Variants in GNA12 observed in about 807,000 individuals in gnomAD.
GNA12 encodes the protein G protein subunit alpha 12.
GNA12 carries 9 observed loss-of-function variants against 26.0 expected under a neutral mutation model. The ratio of observed to expected loss-of-function variants is 0.35; its 90% CI spans 0.21 to 0.60. The LOEUF (loss-of-function observed/expected upper bound fraction) is 0.60. Among genes scored for constraint, GNA12 ranks in the 20% least tolerant of loss-of-function variants. The probability of loss-of-function intolerance (pLI) is 0.78; values close to 1 mark genes in which losing one functional copy is unlikely to be tolerated. For missense variants in GNA12, 405 were observed against 525.8 expected (o/e 0.77, Z 2.25); for synonymous variants, 264 against 219.6 (o/e 1.20, Z -1.79).
At chr7:2,812,683 C>CATCAT (rs1279337754) in intron 1 of GNA12, among the ~76,000 whole-genome samples, 3 of 129,054 alleles carry the variant, frequency 2.3e-5, no homozygotes, top group Non-Finnish European at 5.3e-5. Flanking sequence ...CATCACATCA[C>CATCAT]ATCACATCAC....
intron 2 of GNA12, among the ~76,000 whole-genome samples, chr7:2,787,850 G>A (rs1005536516): frequency 4.6e-5 from 7 of 152,158 alleles, no homozygotes; most frequent in East Asian, 1.9e-4. Context: ...CTGTTACCAC[G>A]GCAGAGAGAA....
chr7:2,772,299 C>T (rs917220943), intron 2 of GNA12, among the ~76,000 whole-genome samples: 9 of 152,246 alleles, frequency 5.9e-5, no homozygotes, highest in Admixed American at 2.0e-4. Flanking sequence ...CAGTGGCTCA[C>T]GCCTGTAATC....
At chr7:2,782,007 C>T (rs1792241520) in intron 2 of GNA12, among the ~76,000 whole-genome samples, 1 of 152,178 alleles carries the variant, frequency 6.6e-6, no homozygotes, top group South Asian at 2.1e-4. Flanking sequence ...AATAAACCCA[C>T]ATATCTATGG....
chr7:2,751,915 T>A (rs566124031), intron 2 of GNA12, among the ~76,000 whole-genome samples: 1 of 152,088 alleles, frequency 6.6e-6, no homozygotes, highest in Non-Finnish European at 1.5e-5. Context: ...GACCTCACTA[T>A]CAAACACGTA....
intron 2 of GNA12, among the ~76,000 whole-genome samples, chr7:2,758,753 C>T (rs1320328260): frequency 6.6e-6 from 1 of 152,186 alleles, no homozygotes; most frequent in East Asian, 1.9e-4. Context: ...GCCACCAGTG[C>T]CCACCTCTGG....
chr7:2,840,714 G>C (rs1778966693), intron 1 of GNA12, among the ~76,000 whole-genome samples: 1 of 152,118 alleles, frequency 6.6e-6, no homozygotes, highest in Admixed American at 6.5e-5. Context: ...GCTGGGTGTG[G>C]TGGTACACAC....
At position 2,730,048 on chromosome 7, in the gene GNA12, G is replaced by C. The variant is rs2115273797; in HGVS notation, c.*1133C>G. On this transcript the variant is annotated 3_prime_UTR_variant, in exon 4 of 4. Coordinates refer to ENST00000275364, the MANE Select transcript of GNA12 (RefSeq NM_007353.3). ...CTTAGGGAGAGCGGCGAACAGGCAC[G>C]GCTGTCCAAAGGCACTGGTGGAGCG... 1 of 152,446 alleles carries C rather than the reference G, an allele frequency of 6.6e-6. No individual in the cohort carries two copies. The highest frequency in any genetic ancestry group is 2.4e-5 in the African/African-American group (1 of 41,558). 9.4% of individuals were successfully genotyped at this position (152,446 alleles called of 1,614,324 possible).
rs1792355415 is a variant in GNA12, at chr7:2,786,121, T to C, written c.525+8807A>G. Among the ~76,000 whole-genome samples, 3 of 152,292 alleles carry C rather than the reference T, an allele frequency of 2.0e-5. No individual in the cohort carries two copies. The South Asian group carries it at 6.2e-4, about 32-fold the overall frequency. ...TGAGGGAGGCCATGGTGGGAGATGG[T>C]TCTGTATTTCGACTGTGGTGTTACA... On this transcript the variant is annotated intron_variant, in intron 2 of 3. Coordinates refer to ENST00000275364, the MANE Select transcript of GNA12 (RefSeq NM_007353.3).
chr7:2,787,892 C>T (rs561916621), intron 2 of GNA12, among the ~76,000 whole-genome samples: 21 of 152,356 alleles, frequency 1.4e-4, no homozygotes, highest in African/African-American at 4.8e-4. Context: ...CCATGGCTCA[C>T]GCCTGGAATC....
intron 2 of GNA12, among the ~76,000 whole-genome samples, chr7:2,768,060 G>A (rs1008713493): frequency 6.6e-6 from 1 of 152,070 alleles, no homozygotes; most frequent in African/African-American, 2.4e-5. Context: ...TCACCATATT[G>A]GTCAGGCTGG....
At chr7:2,812,636 A>ACATCACATCACATCACATCACATC (rs1793107491) in intron 1 of GNA12, among the ~76,000 whole-genome samples, 4 of 134,094 alleles carry the variant, frequency 3.0e-5, no homozygotes, top group Non-Finnish European at 4.9e-5. Flanking sequence ...TCTCAAAAAT[A>ACATCACATCACATCACATCACATC]ACATCACATC....
At chr7:2,744,341 C>T (rs998083853) in intron 2 of GNA12, among the ~76,000 whole-genome samples, 1 of 152,184 alleles carries the variant, frequency 6.6e-6, no homozygotes, top group Admixed American at 6.5e-5. Flanking sequence ...AACGATCAGG[C>T]AGCAGCATTT....
At chr7:2,795,627 C>CAA (rs11412223) in intron 1 of GNA12, among the ~76,000 whole-genome samples, 43,484 of 117,162 alleles carry the variant, frequency 0.37, 8,035 homozygotes, top group Non-Finnish European at 0.46. Flanking sequence ...GACCCTGTTT[C>CAA]AAAAAAAAAA....
At chr7:2,743,662 C>G (rs1039298328) in intron 2 of GNA12, among the ~76,000 whole-genome samples, 1 of 152,196 alleles carries the variant, frequency 6.6e-6, no homozygotes, top group Non-Finnish European at 1.5e-5. Flanking sequence ...CCGGGTTCAT[C>G]TCACTGGGGT....
intron 2 of GNA12, among the ~76,000 whole-genome samples, chr7:2,771,105 AC>A (rs1791937028): frequency 1.3e-5 from 2 of 152,184 alleles, no homozygotes; most frequent in Admixed American, 6.5e-5. Flanking sequence ...AGCCTGACCA[AC>A]ATGGCGAAAC....
intron 1 of GNA12, among the ~76,000 whole-genome samples, chr7:2,821,874 G>T (rs868475087): frequency 4.6e-5 from 7 of 152,246 alleles, no homozygotes; most frequent in Middle Eastern, 3.4e-3. Flanking sequence ...AGTTCCCTAA[G>T]ACCTTTTTCC....
intron 1 of GNA12, among the ~76,000 whole-genome samples, chr7:2,796,469 GTCA>G (rs1425424066): frequency 6.6e-6 from 1 of 152,060 alleles, no homozygotes. Flanking sequence ...CGCTACTATT[GTCA>G]TCATCACTGA....
intron 2 of GNA12, 86 bp from the exon 3 acceptor site, chr7:2,733,587 A>C (rs919112361): frequency 4.8e-6 from 5 of 1,043,732 alleles, no homozygotes; most frequent in Non-Finnish European, 7.4e-6. Flanking sequence ...GGGTAAGAGC[A>C]GTGGCATTTC....
intron 1 of GNA12, among the ~76,000 whole-genome samples, chr7:2,841,095 A>C (rs951501668): frequency 2.0e-5 from 3 of 152,256 alleles, no homozygotes; most frequent in Non-Finnish European, 2.9e-5. Context: ...GTTTCTGCTG[A>C]TAAGAAAGTC....
Sources: gnomAD v4.1 joint callset for allele counts (sites outside exome capture counted in the v4.1 genomes callset) on GRCh38, gnomAD v4.1.1 for gene constraint, MANE v1.5 for transcripts, NCBI Gene and HGNC (gene_info 2026-07-23, HGNC 2026-07-21) for gene names.